The following KCNH8 variants were observed in gnomAD, a reference collection of about 807,000 sequenced individuals.
KCNH8 encodes potassium voltage-gated channel subfamily H member 8.
A neutral mutation model predicts 103.6 loss-of-function variants in KCNH8; 70 were observed. That is an observed-to-expected ratio of 0.68 (90% confidence interval 0.56 to 0.82). The LOEUF is 0.82. Ranked by LOEUF, KCNH8 falls within the 40% of genes least tolerant of loss-of-function variation. The pLI, the probability that KCNH8 is intolerant of heterozygous loss-of-function variation, is 0.00. For synonymous variants in KCNH8, 498 were observed against 489.4 expected, an observed-to-expected ratio of 1.02 and a Z score of -0.23; for missense variants, 1,217 against 1,329.9, an observed-to-expected ratio of 0.92 and a Z score of 1.32.
chr3:19,434,336 TTAAG>T (rs1425481434), intron 7 of KCNH8, among the ~76,000 whole-genome samples: 14 of 152,242 alleles, frequency 9.2e-5, no homozygotes, highest in South Asian at 6.2e-4. Context: ...TTTGCTCTTA[TTAAG>T]TATTTGTAGC....
At chr3:19,307,319 A>C (rs2125294048) in intron 3 of KCNH8, among the ~76,000 whole-genome samples, 1 of 152,206 alleles carries the variant, frequency 6.6e-6, no homozygotes, top group South Asian at 2.1e-4. Context: ...GCTCAGCATC[A>C]CTAATCATCA....
intron 6 of KCNH8, 111 bp from the exon 7 acceptor site, chr3:19,394,993 T>C (rs944987357): frequency 1.3e-6 from 1 of 758,376 alleles, no homozygotes; most frequent in East Asian, 2.7e-5. Flanking sequence ...AAAATAATAA[T>C]ATGAAAATAA....
intron 5 of KCNH8, among the ~76,000 whole-genome samples, chr3:19,356,869 GAAAA>G (rs1024563397): frequency 1.3e-5 from 2 of 151,536 alleles, no homozygotes; most frequent in African/African-American, 4.8e-5. Flanking sequence ...CAGAAAATGA[GAAAA>G]AGAAAGACCA....
rs201516423 is a variant in KCNH8 at position 19,281,168 on chromosome 3, A to AT, written c.311-27dup. 1,706 of 1,600,616 alleles carry AT rather than the reference A, an allele frequency of 1.1e-3. 32 individuals carry two copies. In the East Asian group the frequency reaches 0.03, roughly 28 times the overall value. ...TAGAGATAACACAAGGCAATGGTTG[A>AT]TTTGTATTTTTTTTTCTTTACTGTT... On this transcript the variant is annotated intron_variant, in intron 2 of 15. Coordinates refer to ENST00000328405, the MANE Select transcript of KCNH8 (RefSeq NM_144633.3).
rs116701468 is a variant in KCNH8 at position 19,513,194 on chromosome 3, A to T, written c.2304A>T (p.Arg768Ser). Residue 768 changes from arginine (R) to serine (S), a missense_variant, in exon 13 of 16, where the codon AGA (arginine) becomes AGT (serine). Arg to Ser is a moderately radical substitution (Grantham distance 110, BLOSUM62 -1). Coordinates refer to ENST00000328405, the MANE Select transcript of KCNH8 (RefSeq NM_144633.3). ...CGGTGCCCTTTCACTCGCCTATCAG[A>T]GTCTCCAGGTCAAATTCCCCCAAAA... ...SGTVPFHSPIRVSRSNSPKTK... is the reference protein window; with the variant it reads ...SGTVPFHSPISVSRSNSPKTK... The T allele has an allele frequency of 6.2e-7, 1 of 1,613,956 alleles. No homozygotes were observed. Among genetic ancestry groups the T allele is most frequent in the Non-Finnish European group, 8.5e-7 (1 of 1,179,956 alleles).
chr3:19,210,767 A>T (rs1486501559), intron 1 of KCNH8, among the ~76,000 whole-genome samples: 1 of 152,150 alleles, frequency 6.6e-6, no homozygotes, highest in Non-Finnish European at 1.5e-5. Context: ...CCAGTGAATC[A>T]AATGAGAGAT....
chr3:19,381,729 G>A (rs993537015), intron 5 of KCNH8, among the ~76,000 whole-genome samples: 7 of 152,088 alleles, frequency 4.6e-5, no homozygotes, highest in Non-Finnish European at 8.8e-5. Flanking sequence ...AAATTACCAA[G>A]GATTGGAGGA....
intron 1 of KCNH8, among the ~76,000 whole-genome samples, chr3:19,234,141 T>A (rs908660881): frequency 6.6e-6 from 1 of 152,204 alleles, no homozygotes; most frequent in East Asian, 1.9e-4. Context: ...GACAGGGCGC[T>A]GTTTGGTGCG....
chr3:19,196,915 T>C (rs999733581), intron 1 of KCNH8, among the ~76,000 whole-genome samples: 1 of 152,074 alleles, frequency 6.6e-6, no homozygotes, highest in African/African-American at 2.4e-5. Flanking sequence ...AATGTAAACA[T>C]AGCTAATAAA....
At chr3:19,421,702 A>G (rs2066953836) in intron 7 of KCNH8, among the ~76,000 whole-genome samples, 1 of 152,008 alleles carries the variant, frequency 6.6e-6, no homozygotes, top group South Asian at 2.1e-4. Flanking sequence ...TAGTGAGCTC[A>G]TTTCCATCAA....
intron 5 of KCNH8, among the ~76,000 whole-genome samples, chr3:19,376,857 G>C (rs183079258): frequency 2.6e-5 from 4 of 152,200 alleles, no homozygotes; most frequent in African/African-American, 9.6e-5. Context: ...CCCCTTTTTG[G>C]GAGACCAATA....
At chr3:19,503,943 TAAAG>T (rs1454822537) in intron 11 of KCNH8, among the ~76,000 whole-genome samples, 1 of 151,474 alleles carries the variant, frequency 6.6e-6, no homozygotes, top group African/African-American at 2.4e-5. Flanking sequence ...ATAATAATAA[TAAAG>T]AAAATTACTT....
At chr3:19,467,346 T>C (rs998762373) in intron 11 of KCNH8, among the ~76,000 whole-genome samples, 1 of 151,786 alleles carries the variant, frequency 6.6e-6, no homozygotes, top group Non-Finnish European at 1.5e-5. Context: ...CACACAAATA[T>C]ATAACCAAGC....
chr3:19,477,209 A>G (rs747317495), intron 11 of KCNH8, among the ~76,000 whole-genome samples: 18 of 152,162 alleles, frequency 1.2e-4, no homozygotes, highest in Non-Finnish European at 2.5e-4. Context: ...GGACGGACCC[A>G]TGCATGTGAA....
intron 11 of KCNH8, among the ~76,000 whole-genome samples, chr3:19,477,001 T>TGAAG (rs973090792): frequency 1.3e-5 from 2 of 152,166 alleles, no homozygotes; most frequent in African/African-American, 4.8e-5. Context: ...GTAAAGCATA[T>TGAAG]GAAGGGACTG....
intron 1 of KCNH8, among the ~76,000 whole-genome samples, chr3:19,186,600 G>A (rs921229672): frequency 2.0e-5 from 3 of 151,822 alleles, no homozygotes; most frequent in Admixed American, 2.0e-4. Flanking sequence ...GTTTCGTTGA[G>A]GGATAAATTT....
chr3:19,296,316 C>T (rs995543825), intron 3 of KCNH8, among the ~76,000 whole-genome samples: 1 of 152,116 alleles, frequency 6.6e-6, no homozygotes, highest in Admixed American at 6.5e-5. Flanking sequence ...GAAAATTTTG[C>T]CCAAGTATTA....
chr3:19,481,985 G>A (rs1026224506), intron 11 of KCNH8, among the ~76,000 whole-genome samples: 1 of 152,172 alleles, frequency 6.6e-6, no homozygotes, highest in Admixed American at 6.5e-5. Context: ...TCACCTGGGA[G>A]CATCGGCAGA....
At chr3:19,378,748 T>C (rs1176696636) in intron 5 of KCNH8, among the ~76,000 whole-genome samples, 1 of 152,248 alleles carries the variant, frequency 6.6e-6, no homozygotes, top group African/African-American at 2.4e-5. Context: ...TATGATGATA[T>C]ACTTTATGGT....
Sources: gnomAD v4.1 joint callset for allele counts (sites outside exome capture counted in the v4.1 genomes callset) on GRCh38, gnomAD v4.1.1 for gene constraint, MANE v1.5 for transcripts, NCBI Gene and HGNC (gene_info 2026-07-23, HGNC 2026-07-21) for gene names.